Variants in NAAA observed in about 807,000 individuals in gnomAD.
NAAA encodes the protein N-acylethanolamine-hydrolyzing acid amidase.
NAAA carries 39 observed loss-of-function variants against 44.8 expected under a neutral mutation model. The ratio of observed to expected loss-of-function variants is 0.87; its 90% CI spans 0.67 to 1.14. NAAA has a LOEUF of 1.14. Among genes scored for constraint, NAAA ranks in the 50% most tolerant of loss-of-function variants. NAAA has a pLI of 0.00. For synonymous variants in NAAA, 178 were observed against 191.3 expected, an observed-to-expected ratio of 0.93 and a Z score of 0.58; for missense variants, 460 against 467.8, an observed-to-expected ratio of 0.98 and a Z score of 0.15.
At position 75,919,539 on chromosome 4, in the gene NAAA, C is replaced by T. The variant is rs191252852; in HGVS notation, c.969+370G>A. ...GCTCTGTCAGGCTGGAGTGCAGTGGCGCAATCTCGGCTCACTGCAAGCTCC... is the reference window on the plus strand; with the variant it reads ...GCTCTGTCAGGCTGGAGTGCAGTGGTGCAATCTCGGCTCACTGCAAGCTCC... On this transcript the variant is annotated intron_variant, in intron 8 of 10. Coordinates refer to ENST00000286733, the MANE Select transcript of NAAA (RefSeq NM_014435.4). 415 of 276,868 alleles carry T rather than the reference C, an allele frequency of 1.5e-3. 1 individual carries two copies. Among genetic ancestry groups the T allele is most frequent in the Non-Finnish European group, 2.5e-3 (373 of 150,950 alleles). 17.2% of individuals were successfully genotyped at this position (276,868 alleles called of 1,614,324 possible). A position where few individuals can be genotyped will look rare whatever the true frequency, so the allele number is the denominator to read the frequency against.
rs1309333998 is a variant in NAAA, at chr4:75,940,779, C to A, written c.171G>T (p.Leu57Phe). ...GCGCCATCGCGGCGCGCACCAAGTC[C>A]AAGTCGTAGTGCCGCAGCACGGGCA... The part of the protein sequence containing the change: ...RWLPVLRHYD[L>F]DLVRAAMAQV... The change falls in exon 1 of 11, where the codon TTG becomes TTT. Residue 57 changes from leucine to phenylalanine, a missense_variant. Physicochemically the swap from Leu to Phe is conservative, Grantham distance 22 (BLOSUM62 0). Transcript: ENST00000286733. The A allele has an allele frequency of 6.3e-7, 1 of 1,598,896 alleles. No individual in the cohort carries two copies. Among genetic ancestry groups the A allele is most frequent in the Non-Finnish European group, 8.5e-7 (1 of 1,178,840 alleles).
rs749656043 is a variant in NAAA at position 75,940,793 on chromosome 4, G to A, written c.157C>T (p.Arg53Trp). Residue 53 changes from arginine to tryptophan, a missense_variant, in exon 1 of 11, where the codon CGG (arginine) becomes TGG (tryptophan). By Grantham distance (101) the Arg-to-Trp change is moderately radical (BLOSUM62 -3). Coordinates refer to ENST00000286733, the MANE Select transcript of NAAA (RefSeq NM_014435.4). ...VPELRWLPVL[R>W]HYDLDLVRAA... Reference sequence around the variant, plus strand: ...CGCACCAAGTCCAAGTCGTAGTGCCGCAGCACGGGCAGCCAGCGCAGCTCG... The same window carrying A: ...CGCACCAAGTCCAAGTCGTAGTGCCACAGCACGGGCAGCCAGCGCAGCTCG... The A allele has an allele frequency of 1.3e-6, 2 of 1,598,776 alleles. No individual in the cohort carries two copies. Among genetic ancestry groups the A allele is most frequent in the East Asian group, 2.2e-5 (1 of 44,526 alleles).
chr4:75,940,244 C>A, intron 1 of NAAA, 79 bp from the exon 2 acceptor site: 3 of 1,502,992 alleles, frequency 2.0e-6, no homozygotes, highest in Non-Finnish European at 2.7e-6. Context: ...GCGAGCGGGG[C>A]TACATCCTTA....
At chr4:75,913,009 C>T (rs149058401), downstream of NAAA, among the ~76,000 whole-genome samples, 391 of 152,144 alleles carry the variant, frequency 2.6e-3, 2 homozygotes, top group African/African-American at 8.8e-3. Flanking sequence ...ACACTTCCTT[C>T]TAGACATTCT....
At chr4:75,925,621 G>C (rs1012763623) in intron 5 of NAAA, 114 bp downstream of exon 5, 8 of 949,208 alleles carry the variant, frequency 8.4e-6, no homozygotes, top group Non-Finnish European at 1.2e-5. Flanking sequence ...CAGACATTTA[G>C]ATGCTTATTC....
At chr4:75,936,414 C>T (rs1727724128) in intron 2 of NAAA, among the ~76,000 whole-genome samples, 179 bp from the exon 3 acceptor site, 2 of 152,256 alleles carry the variant, frequency 1.3e-5, no homozygotes, top group South Asian at 4.1e-4. Flanking sequence ...AAAAACACAA[C>T]TGGATACAAC....
intron 3 of NAAA, chr4:75,935,767 C>T: frequency 3.1e-6 from 1 of 318,210 alleles, no homozygotes; most frequent in Non-Finnish European, 5.6e-6. Context: ...CTAGTTATTG[C>T]ACTACCCAGC....
chr4:75,931,421 T>A, intron 3 of NAAA, 117 bp from the exon 4 acceptor site: 1 of 702,912 alleles, frequency 1.4e-6, no homozygotes, highest in Non-Finnish European at 2.3e-6. Flanking sequence ...CACAATAGAA[T>A]AAAACTCTGA....
intron 3 of NAAA, among the ~76,000 whole-genome samples, chr4:75,933,061 G>A (rs1392849698): frequency 6.6e-6 from 1 of 150,702 alleles, no homozygotes; most frequent in African/African-American, 2.4e-5. Context: ...CTTGAACCCA[G>A]GAGGTAGAGG....
At chr4:75,912,773 CA>C (rs112998583), downstream of NAAA, among the ~76,000 whole-genome samples, 13,535 of 142,522 alleles carry the variant, frequency 0.095, 1,079 homozygotes, top group African/African-American at 0.22. Context: ...GACCCTGTCT[CA>C]AAAAAAAAAA....
In NAAA at chr4:75,925,809, T is replaced by C. The variant is rs1354423984; in HGVS notation, c.592A>G (p.Lys198Glu). The C allele has an allele frequency of 4.3e-6, 7 of 1,614,030 alleles. No individual in the cohort carries two copies. The East Asian group carries it at 1.6e-4, about 36-fold the overall frequency. Residue 198 changes from lysine to glutamate, a missense_variant and splice_region_variant, in exon 5 of 11, where the codon AAA becomes GAA. Lys to Glu is a moderately conservative substitution (Grantham distance 56). Transcript: ENST00000286733. ...ATAGCATTCTCCCACCACCAGCCTT[T>C]ATCTGCCAAGTTGAGTATATATGTT... ...KFTVSGDERD[K>E]GWWWENAIAA...
At position 75,914,174 on chromosome 4, in the gene NAAA, A is replaced by G; in HGVS notation, c.*201T>C. The G allele has an allele frequency of 1.0e-6, 1 of 985,824 alleles. No homozygotes were observed. The highest frequency in any genetic ancestry group is 1.2e-6 in the Non-Finnish European group (1 of 829,942). The allele number at this position is 985,824 out of a possible 1,614,324, so 61.1% of individuals were successfully genotyped here. Reference sequence around the variant, plus strand: ...GGGAAGGGAATGCAGGACAATGCCCATTACTGGCTTTACCACAAACTCCAA... The same window carrying G: ...GGGAAGGGAATGCAGGACAATGCCCGTTACTGGCTTTACCACAAACTCCAA... On this transcript the variant is annotated 3_prime_UTR_variant, in exon 11 of 11. Coordinates refer to ENST00000286733, the MANE Select transcript of NAAA (RefSeq NM_014435.4).
chr4:75,936,001 TTG>T (rs1727673434), intron 3 of NAAA, 106 bp downstream of exon 3: 7 of 1,350,946 alleles, frequency 5.2e-6, no homozygotes, highest in Middle Eastern at 1.8e-4. Flanking sequence ...TGTGATTTTT[TTG>T]TGTCTTACAC....
intron 4 of NAAA, among the ~76,000 whole-genome samples, chr4:75,926,212 A>C (rs1194431890): frequency 6.6e-6 from 1 of 152,200 alleles, no homozygotes; most frequent in Admixed American, 6.5e-5. Context: ...ATGGCAATAT[A>C]AGAAAAAAAT....
At chr4:75,919,177 G>C (rs1279707869) in intron 8 of NAAA, among the ~76,000 whole-genome samples, 1 of 152,070 alleles carries the variant, frequency 6.6e-6, no homozygotes, top group African/African-American at 2.4e-5. Context: ...AAGTAGTTGG[G>C]ATTATAGGCA....
intron 2 of NAAA, among the ~76,000 whole-genome samples, chr4:75,938,020 G>A (rs1239201096): frequency 2.6e-5 from 4 of 152,180 alleles, no homozygotes; most frequent in South Asian, 2.1e-4. Flanking sequence ...GCACTGCAGC[G>A]AACTGGAGAT....
intron 3 of NAAA, 44 bp downstream of exon 3, chr4:75,936,065 T>C: frequency 6.2e-7 from 1 of 1,610,844 alleles, no homozygotes; most frequent in African/African-American, 1.3e-5. Flanking sequence ...AACTTGAGTT[T>C]GCAAATCTTT....
At chr4:75,928,079 A>G (rs1726897420) in intron 4 of NAAA, among the ~76,000 whole-genome samples, 1 of 152,208 alleles carries the variant, frequency 6.6e-6, no homozygotes, top group African/African-American at 2.4e-5. Flanking sequence ...TGCTGTGTGG[A>G]TCACCAGACC....
downstream of NAAA, among the ~76,000 whole-genome samples, chr4:75,911,609 T>A (rs1431677032): frequency 6.6e-6 from 1 of 152,294 alleles, no homozygotes; most frequent in South Asian, 2.1e-4. Flanking sequence ...ACAGGACTAG[T>A]TGACTCATGG....
Sources: allele counts gnomAD v4.1 joint callset (sites outside exome capture counted in the v4.1 genomes callset), GRCh38; gene constraint gnomAD v4.1.1; transcripts MANE v1.5; gene names NCBI Gene and HGNC (gene_info 2026-07-23, HGNC 2026-07-21).